RSPO2: variants seen among roughly 807,000 people sequenced by gnomAD.
The protein encoded by RSPO2 is R-spondin-2.
Under a neutral mutation model 30.9 loss-of-function variants are expected in RSPO2, and 14 were observed. The observed-to-expected ratio is 0.45, with a 90% CI of 0.30 to 0.71. The LOEUF (loss-of-function observed/expected upper bound fraction) is 0.71, where lower values mean the gene tolerates loss of function less well. Ranked by LOEUF, RSPO2 falls within the 30% of genes least tolerant of loss-of-function variation. RSPO2 has a pLI of 0.08. For synonymous variants in RSPO2, 107 were observed against 96.4 expected (o/e 1.11, Z -0.64); for missense variants, 264 against 301.9 (o/e 0.87, Z 0.93).
intron 3 of RSPO2, among the ~76,000 whole-genome samples, chr8:107,977,183 C>T (rs577794635): frequency 1.3e-5 from 2 of 152,280 alleles, no homozygotes; most frequent in East Asian, 3.9e-4. Context: ...CTCATAATAT[C>T]CTCATATGCT....
At chr8:107,970,073 A>T (rs1813941865) in intron 3 of RSPO2, among the ~76,000 whole-genome samples, 1 of 152,180 alleles carries the variant, frequency 6.6e-6, no homozygotes, top group Non-Finnish European at 1.5e-5. Context: ...TACTCCAAAT[A>T]GGCTAGAGCA....
chr8:108,012,659 T>G (rs1460068470), intron 2 of RSPO2, among the ~76,000 whole-genome samples: 1 of 152,140 alleles, frequency 6.6e-6, no homozygotes, highest in Non-Finnish European at 1.5e-5. Flanking sequence ...ATTCCAAAAG[T>G]AGGGGCTCTA....
chr8:107,986,681 C>T (rs1338206116), intron 3 of RSPO2, among the ~76,000 whole-genome samples: 1 of 152,112 alleles, frequency 6.6e-6, no homozygotes, highest in African/African-American at 2.4e-5. Flanking sequence ...ATACGGCCAC[C>T]CTATTGTCCA....
At chr8:107,917,376 T>C (rs970002130) in intron 5 of RSPO2, among the ~76,000 whole-genome samples, 4 of 151,968 alleles carry the variant, frequency 2.6e-5, no homozygotes, top group East Asian at 1.9e-4. Flanking sequence ...TCCCAGCTAC[T>C]TGGGAGGCTG....
chr8:107,995,294 G>A (rs1251178288), intron 2 of RSPO2, among the ~76,000 whole-genome samples: 2 of 152,018 alleles, frequency 1.3e-5, no homozygotes, highest in Admixed American at 1.3e-4. Context: ...CAGAGCTAGG[G>A]AACCAATTCT....
rs1271453894 is a variant in RSPO2 at position 108,082,629 on chromosome 8, G to C, written c.10C>G (p.Arg4Gly). Residue 4 changes from arginine to glycine, a missense_variant, in exon 2 of 6, where the codon CGC becomes GGC. Transcript: ENST00000276659. MQF[R>G]LFSFALIILN... is the part of the protein sequence containing the mutation. ...ATGATGAGGGCAAAGGAGAAAAGGC[G>C]AAACTGCATCTGGGCGGTCGGGCGG... 3 of 1,613,940 alleles carry C rather than the reference G, an allele frequency of 1.9e-6. No individual in the cohort carries two copies. Among genetic ancestry groups the C allele is most frequent in the Non-Finnish European group, 2.5e-6 (3 of 1,179,878 alleles).
intron 3 of RSPO2, among the ~76,000 whole-genome samples, chr8:107,966,659 G>A (rs1813817675): frequency 6.6e-6 from 1 of 152,188 alleles, no homozygotes; most frequent in African/African-American, 2.4e-5. Flanking sequence ...TCTCAACAGT[G>A]CTTTCAGGGC....
At chr8:107,919,944 CATTTTTCACTGAACAGCAA>C (rs1447008179) in intron 5 of RSPO2, among the ~76,000 whole-genome samples, 3 of 152,240 alleles carry the variant, frequency 2.0e-5, no homozygotes, top group African/African-American at 7.2e-5. Context: ...TGATGAAGAA[CATTTTTCACTGAACAGCAA>C]AGCTTCAAGC....
chr8:107,960,753 G>C lies in RSPO2; in HGVS notation c.348C>G (p.Gly116=), dbSNP rs749704165. 3.2e-5 allele frequency: 52 copies of C among 1,612,466 alleles called. No individual in the cohort carries two copies. Among genetic ancestry groups the C allele is most frequent in the Non-Finnish European group, 4.2e-5 (50 of 1,178,930 alleles). Residue 116 remains glycine, a synonymous_variant, in exon 4 of 6, where the codon GGC becomes GGG. Coordinates refer to ENST00000276659, the MANE Select transcript of RSPO2 (RefSeq NM_178565.5). ...SKDFCTKCKV[G]FYLHRGRCFD... ...AGCAACGGCCTCTATGCAAATAAAA[G>C]CCTACTTTGCACTTGGTACAAAAGT...
At chr8:108,055,342 G>A (rs1324027608) in intron 2 of RSPO2, among the ~76,000 whole-genome samples, 1 of 152,146 alleles carries the variant, frequency 6.6e-6, no homozygotes, top group Admixed American at 6.5e-5. Flanking sequence ...AGGAGGCAGA[G>A]GCAGACAGGT....
intron 5 of RSPO2, among the ~76,000 whole-genome samples, chr8:107,903,493 T>C (rs1196734183): frequency 6.6e-6 from 1 of 152,126 alleles, no homozygotes; most frequent in African/African-American, 2.4e-5. Flanking sequence ...CTGAAGTAAT[T>C]GTCAATATTA....
intron 5 of RSPO2, among the ~76,000 whole-genome samples, chr8:107,904,038 G>C (rs1586525888): frequency 6.6e-6 from 1 of 152,076 alleles, no homozygotes; most frequent in East Asian, 1.9e-4. Flanking sequence ...TCAAACATGA[G>C]AAAAGAAATC....
Position 107,899,369 on chromosome 8 carries a change from T to G in RSPO2, c.*1706A>C, listed in dbSNP as rs1276672766. 6 of 152,728 alleles carry G rather than the reference T, an allele frequency of 3.9e-5. No homozygotes were observed. In the East Asian group the frequency reaches 1.2e-3, roughly 29 times the overall value. The allele number at this position is 152,728 out of a possible 1,614,324, so 9.5% of individuals were successfully genotyped here. Reference sequence around the variant, plus strand: ...AGAACATCCCAGGAACAACAGGTATTGACTTATTAACGATGAAGCACTATA... The same window carrying G: ...AGAACATCCCAGGAACAACAGGTATGGACTTATTAACGATGAAGCACTATA... On this transcript the variant is annotated 3_prime_UTR_variant, in exon 6 of 6. Transcript: ENST00000276659.
intron 2 of RSPO2, among the ~76,000 whole-genome samples, chr8:108,019,522 T>G (rs1586632913): frequency 7.7e-6 from 1 of 130,672 alleles, no homozygotes; most frequent in Non-Finnish European, 1.6e-5. Context: ...CCTTTCGGTC[T>G]TCTCAGCCTT....
intron 5 of RSPO2, among the ~76,000 whole-genome samples, chr8:107,948,874 T>A (rs1034787236): frequency 1.4e-3 from 211 of 148,026 alleles, no homozygotes; most frequent in African/African-American, 4.2e-3. Flanking sequence ...AAAAAATAAA[T>A]AAATAAATAA....
intron 5 of RSPO2, among the ~76,000 whole-genome samples, chr8:107,938,048 C>A (rs934692422): frequency 6.6e-6 from 1 of 151,976 alleles, no homozygotes; most frequent in African/African-American, 2.4e-5. Flanking sequence ...AAATAACACT[C>A]CGACAACATA....
chr8:108,022,864 G>A (rs1811096382), intron 2 of RSPO2, among the ~76,000 whole-genome samples: 1 of 151,318 alleles, frequency 6.6e-6, no homozygotes, highest in Admixed American at 6.6e-5. Context: ...GGCAGAGGTT[G>A]CTGTGAGCTG....
intron 2 of RSPO2, among the ~76,000 whole-genome samples, chr8:108,047,271 A>C (rs950756590): frequency 6.6e-6 from 1 of 152,230 alleles, no homozygotes; most frequent in African/African-American, 2.4e-5. Context: ...CAAAGCTTTC[A>C]ATCCTGTTAC....
chr8:107,904,932 G>A (rs1452635214), intron 5 of RSPO2, among the ~76,000 whole-genome samples: 1 of 152,070 alleles, frequency 6.6e-6, no homozygotes, highest in African/African-American at 2.4e-5. Context: ...AATGGTCCAA[G>A]AGCATAACCT....
Sources: allele counts gnomAD v4.1 joint callset (sites outside exome capture counted in the v4.1 genomes callset), GRCh38; gene constraint gnomAD v4.1.1; transcripts MANE v1.5; gene names NCBI Gene and HGNC (gene_info 2026-07-23, HGNC 2026-07-21).